Variants in MGMT observed in about 807,000 individuals in gnomAD.
The protein encoded by MGMT is methylated-DNA--protein-cysteine methyltransferase.
MGMT carries 14 observed loss-of-function variants against 15.9 expected under a neutral mutation model. The ratio of observed to expected loss-of-function variants is 0.88; its 90% CI spans 0.58 to 1.37. The LOEUF (loss-of-function observed/expected upper bound fraction) is 1.37, where lower values mean the gene tolerates loss of function less well. MGMT is among the 40% of genes most tolerant of loss of function. MGMT has a pLI of 0.00. For synonymous variants in MGMT, 130 were observed against 118.2 expected (o/e 1.10, Z -0.65); for missense variants, 282 against 268.1 (o/e 1.05, Z -0.36).
At chr10:129,567,317 C>G (rs1199846771) in intron 2 of MGMT, among the ~76,000 whole-genome samples, 1 of 152,102 alleles carries the variant, frequency 6.6e-6, no homozygotes, top group Non-Finnish European at 1.5e-5. Flanking sequence ...ACCTCCCACC[C>G]CCATCCCATG....
chr10:129,721,944 T>C (rs1848376910), intron 3 of MGMT, among the ~76,000 whole-genome samples: 1 of 152,078 alleles, frequency 6.6e-6, no homozygotes, highest in Non-Finnish European at 1.5e-5. Flanking sequence ...TAAATGTAAA[T>C]GTTTTAAGAT....
chr10:129,642,107 C>G (rs1356394112), intron 2 of MGMT, among the ~76,000 whole-genome samples: 1 of 152,134 alleles, frequency 6.6e-6, no homozygotes, highest in Non-Finnish European at 1.5e-5. Context: ...ACAGTGAGAC[C>G]CGACATCCCC....
intron 1 of MGMT, among the ~76,000 whole-genome samples, chr10:129,530,919 C>T (rs1054239137): frequency 6.6e-6 from 1 of 152,202 alleles, no homozygotes; most frequent in African/African-American, 2.4e-5. Context: ...TCTCAGCTGC[C>T]CACACTCTCC....
intron 2 of MGMT, among the ~76,000 whole-genome samples, chr10:129,632,876 TAAGTA>T (rs144422800): frequency 0.033 from 5,082 of 152,320 alleles, 209 homozygotes; most frequent in African/African-American, 0.096. Context: ...CGGAATGAGT[TAAGTA>T]AAGGGTAAAG....
chr10:129,711,040 T>C lies in MGMT; in HGVS notation c.274+2997T>C, dbSNP rs527997538. 5.9e-5 allele frequency among the ~76,000 whole-genome samples: 9 copies of C among 152,310 alleles called. No homozygotes were observed. The East Asian group carries it at 9.7e-4, about 16-fold the overall frequency. On this transcript the variant is annotated intron_variant, in intron 3 of 4. Coordinates refer to ENST00000651593, the MANE Select transcript of MGMT (RefSeq NM_002412.5). Reference sequence around the variant, plus strand: ...AGCTCATCCTTGAGTTCCAGCACATTGACCATTTCTTTCTGAAGGCCTGGC... The same window carrying C: ...AGCTCATCCTTGAGTTCCAGCACATCGACCATTTCTTTCTGAAGGCCTGGC...
chr10:129,709,041 C>T (rs753294340), intron 3 of MGMT, among the ~76,000 whole-genome samples: 17 of 152,196 alleles, frequency 1.1e-4, no homozygotes, highest in Admixed American at 5.2e-4. Context: ...GTCATGAGCA[C>T]GTTTTGTGCA....
At chr10:129,510,987 A>G (rs987011690) in intron 1 of MGMT, among the ~76,000 whole-genome samples, 1 of 148,774 alleles carries the variant, frequency 6.7e-6, no homozygotes, top group Non-Finnish European at 1.5e-5. Context: ...AGAACCCTGT[A>G]TACCGTCCGC....
intron 1 of MGMT, among the ~76,000 whole-genome samples, chr10:129,491,075 G>A (rs1043791360): frequency 1.5e-4 from 23 of 151,994 alleles, no homozygotes; most frequent in Admixed American, 7.9e-4. Context: ...TTGTGTCACC[G>A]TGCCCCATGC....
intron 2 of MGMT, among the ~76,000 whole-genome samples, chr10:129,554,684 A>T (rs76947426): frequency 0.033 from 5,002 of 152,248 alleles, 131 homozygotes; most frequent in South Asian, 0.063. Context: ...TTCTGAAATC[A>T]AATGTGACCC....
At chr10:129,487,099 G>A (rs1204146989) in intron 1 of MGMT, among the ~76,000 whole-genome samples, 1 of 152,092 alleles carries the variant, frequency 6.6e-6, no homozygotes, top group Admixed American at 6.5e-5. Context: ...CTAGCCTCCT[G>A]CTTGTTGAGA....
intron 3 of MGMT, among the ~76,000 whole-genome samples, chr10:129,735,211 G>A (rs1007382498): frequency 6.8e-4 from 104 of 152,302 alleles, no homozygotes; most frequent in African/African-American, 2.4e-3. Flanking sequence ...TTGTTGATAA[G>A]CTATTGATTA....
At chr10:129,601,885 T>G (rs530232826) in intron 2 of MGMT, among the ~76,000 whole-genome samples, 1 of 152,154 alleles carries the variant, frequency 6.6e-6, no homozygotes, top group Admixed American at 6.5e-5. Context: ...GCAATACAAA[T>G]AGAGTGAGTT....
chr10:129,482,149 C>A (rs1845365632), intron 1 of MGMT, among the ~76,000 whole-genome samples: 2 of 152,132 alleles, frequency 1.3e-5, no homozygotes, highest in African/African-American at 2.4e-5. Context: ...GTGGTTTCTT[C>A]TTTAATGCTT....
At chr10:129,554,853 T>C (rs1322452400) in intron 2 of MGMT, among the ~76,000 whole-genome samples, 1 of 152,174 alleles carries the variant, frequency 6.6e-6, no homozygotes, top group Non-Finnish European at 1.5e-5. Flanking sequence ...GAAGTGACAT[T>C]GTGTGGTGTG....
chr10:129,502,728 C>A (rs1331559518), intron 1 of MGMT, among the ~76,000 whole-genome samples: 1 of 152,096 alleles, frequency 6.6e-6, no homozygotes, highest in African/African-American at 2.4e-5. Context: ...TTAGGGGAAA[C>A]CACACGTGGG....
At chr10:129,579,703 A>G (rs765104259) in intron 2 of MGMT, among the ~76,000 whole-genome samples, 1 of 152,216 alleles carries the variant, frequency 6.6e-6, no homozygotes, top group Non-Finnish European at 1.5e-5. Flanking sequence ...ATGCTCAGAA[A>G]CCATCTCTGT....
intron 1 of MGMT, among the ~76,000 whole-genome samples, chr10:129,472,980 G>A (rs529526095): frequency 1.3e-5 from 2 of 152,358 alleles, no homozygotes; most frequent in African/African-American, 4.8e-5. Context: ...GCATTCTAAA[G>A]GTTCAGGTGT....
intron 2 of MGMT, among the ~76,000 whole-genome samples, chr10:129,586,935 G>C (rs548214468): frequency 4.6e-5 from 7 of 152,314 alleles, no homozygotes; most frequent in Admixed American, 2.0e-4. Flanking sequence ...TGTGGGGTCT[G>C]ATGGTGATAC....
intron 2 of MGMT, among the ~76,000 whole-genome samples, chr10:129,643,591 G>T (rs796505270): frequency 5.2e-4 from 79 of 152,276 alleles, no homozygotes; most frequent in African/African-American, 1.9e-3. Flanking sequence ...CATGCTAAGC[G>T]AGCAGGGACC....
Sources: gnomAD v4.1 joint callset for allele counts (sites outside exome capture counted in the v4.1 genomes callset) on GRCh38, gnomAD v4.1.1 for gene constraint, MANE v1.5 for transcripts, NCBI Gene and HGNC (gene_info 2026-07-23, HGNC 2026-07-21) for gene names.